Variants in SEMA5A observed in about 807,000 individuals in gnomAD.
SEMA5A encodes semaphorin-5A.
Under a neutral mutation model 135.5 loss-of-function variants are expected in SEMA5A, and 55 were observed. The ratio of observed to expected loss-of-function variants is 0.41; its 90% CI spans 0.33 to 0.51. The LOEUF is 0.51. Ranked by LOEUF, SEMA5A falls within the 20% of genes least tolerant of loss-of-function variation. SEMA5A has a pLI of 0.37. For missense variants in SEMA5A, 1,290 were observed against 1,419.9 expected (o/e 0.91, Z 1.47); for synonymous variants, 580 against 546.5 (o/e 1.06, Z -0.85).
At chr5:9,527,602 TG>T (rs1413962525) in intron 1 of SEMA5A, among the ~76,000 whole-genome samples, 6 of 152,236 alleles carry the variant, frequency 3.9e-5, no homozygotes, top group Non-Finnish European at 7.3e-5. Flanking sequence ...CACTTCAGCT[TG>T]TAACAAGAAT....
At chr5:9,199,534 G>A (rs1042316103) in intron 9 of SEMA5A, among the ~76,000 whole-genome samples, 3 of 152,214 alleles carry the variant, frequency 2.0e-5, no homozygotes, top group African/African-American at 7.2e-5. Flanking sequence ...ACATGACCTT[G>A]AGAATGAGAA....
chr5:9,291,567 A>G (rs1751079074), intron 5 of SEMA5A, among the ~76,000 whole-genome samples: 1 of 151,716 alleles, frequency 6.6e-6, no homozygotes. Context: ...TGGAGAAGAA[A>G]GGAGGATGTA....
chr5:9,532,296 C>A (rs779268667), intron 1 of SEMA5A, among the ~76,000 whole-genome samples: 2 of 151,714 alleles, frequency 1.3e-5, no homozygotes, highest in Non-Finnish European at 2.9e-5. Flanking sequence ...GACAGAGTCT[C>A]GCTCTATCGC....
At chr5:9,482,375 G>A (rs1040790555) in intron 1 of SEMA5A, among the ~76,000 whole-genome samples, 1 of 152,166 alleles carries the variant, frequency 6.6e-6, no homozygotes. Flanking sequence ...ATGGAACTCA[G>A]AGCAAATAAA....
intron 1 of SEMA5A, among the ~76,000 whole-genome samples, chr5:9,451,929 G>A (rs560393449): frequency 1.0e-3 from 157 of 152,274 alleles, no homozygotes; most frequent in African/African-American, 3.5e-3. Flanking sequence ...AGTTCTACCC[G>A]AGCCACCTGG....
At chr5:9,166,047 G>T (rs1743588702) in intron 11 of SEMA5A, among the ~76,000 whole-genome samples, 1 of 152,048 alleles carries the variant, frequency 6.6e-6, no homozygotes, top group African/African-American at 2.4e-5. Context: ...TCAACTAATG[G>T]CTTATTTTTT....
intron 2 of SEMA5A, among the ~76,000 whole-genome samples, chr5:9,436,664 C>T (rs185004404): frequency 1.8e-4 from 28 of 152,218 alleles, no homozygotes; most frequent in East Asian, 1.7e-3. Context: ...CACAATGAGA[C>T]GGTAATTTAG....
Position 9,245,991 on chromosome 5 carries a change from G to C in SEMA5A, c.271-8101C>G, listed in dbSNP as rs980626155. ...GATCTTTTGAAAGAAGAACATTAGA[G>C]AGAGAGAAGAAAAACAGTATCAAGG... On this transcript the variant is annotated intron_variant, in intron 5 of 22. Transcript: ENST00000382496. Among the ~76,000 whole-genome samples, 6 of 130,084 alleles carry C rather than the reference G, an allele frequency of 4.6e-5. No individual in the cohort carries two copies. The South Asian group carries it at 1.3e-3, about 29-fold the overall frequency. The allele number at this position is 130,084 out of a possible 152,430, so 85.3% of individuals were successfully genotyped here.
intron 3 of SEMA5A, among the ~76,000 whole-genome samples, chr5:9,364,470 A>G (rs1754831123): frequency 6.6e-6 from 1 of 152,208 alleles, no homozygotes; most frequent in African/African-American, 2.4e-5. Flanking sequence ...GGAACATCCT[A>G]ATAGGATTTT....
intron 5 of SEMA5A, among the ~76,000 whole-genome samples, chr5:9,277,166 C>T (rs1472865026): frequency 6.6e-6 from 1 of 152,158 alleles, no homozygotes; most frequent in Non-Finnish European, 1.5e-5. Flanking sequence ...TATGAACAGA[C>T]ACTTCTCAAA....
At chr5:9,433,270 T>C (rs1757918408) in intron 2 of SEMA5A, among the ~76,000 whole-genome samples, 1 of 152,282 alleles carries the variant, frequency 6.6e-6, no homozygotes, top group Non-Finnish European at 1.5e-5. Context: ...CAGAAGAAAG[T>C]AAAGAATTTT....
chr5:9,093,379 G>A (rs1279709138), intron 16 of SEMA5A, among the ~76,000 whole-genome samples: 1 of 152,104 alleles, frequency 6.6e-6, no homozygotes, highest in Non-Finnish European at 1.5e-5. Context: ...AAGAAAGTTG[G>A]TACAGGTCTA....
In SEMA5A at chr5:9,044,408, T is replaced by C; in HGVS notation, c.3070A>G (p.Lys1024Glu). ...LNTSITNHINKLDKYDSVEAI... is the reference protein window; with the variant it reads ...LNTSITNHINELDKYDSVEAI... ...TCCACCGAGTCGTACTTGTCCAGTT[T>C]GTTGATGTGGTTGGTTATGCTGGTA... The change falls in exon 22 of 23, where the codon AAA (lysine) becomes GAA (glutamate). Residue 1024 changes from lysine (K) to glutamate (E), a missense_variant. By Grantham distance (56) the Lys-to-Glu change is moderately conservative. This residue lies in a region of SEMA5A where 1,029 missense variants were observed against 1,086.6 expected (regional missense o/e 0.95). Coordinates refer to ENST00000382496, the MANE Select transcript of SEMA5A (RefSeq NM_003966.3). 1 of 1,613,568 alleles carries C rather than the reference T, an allele frequency of 6.2e-7. No homozygotes were observed. The highest frequency in any genetic ancestry group is 8.5e-7 in the Non-Finnish European group (1 of 1,179,906).
chr5:9,106,210 A>G (rs969142212), intron 16 of SEMA5A, among the ~76,000 whole-genome samples: 1 of 152,232 alleles, frequency 6.6e-6, no homozygotes, highest in African/African-American at 2.4e-5. Flanking sequence ...AAAAAGTGAC[A>G]ATAGTCTCTT....
intron 2 of SEMA5A, among the ~76,000 whole-genome samples, chr5:9,385,202 T>G (rs1195315175): frequency 6.6e-6 from 1 of 152,152 alleles, no homozygotes; most frequent in Non-Finnish European, 1.5e-5. Context: ...TAAGTACAAC[T>G]CTGTATAGAA....
intron 16 of SEMA5A, among the ~76,000 whole-genome samples, chr5:9,081,549 A>G (rs978521118): frequency 3.3e-5 from 5 of 152,156 alleles, no homozygotes; most frequent in South Asian, 2.1e-4. Flanking sequence ...TATTTCTCCA[A>G]TGCTTTCTCA....
At position 9,294,587 on chromosome 5, in the gene SEMA5A, C is replaced by T. The variant is rs867780040; in HGVS notation, c.270+23785G>A. Among the ~76,000 whole-genome samples, 7 of 152,160 alleles carry T rather than the reference C, an allele frequency of 4.6e-5. 1 individual carries two copies. Among genetic ancestry groups the T allele is most frequent in the African/African-American group, 9.7e-5 (4 of 41,434 alleles). ...GTCCTTATACCTTGACGAAAACTCT[C>T]CCTAGATTTACTGAGCACTCTACTT... On this transcript the variant is annotated intron_variant, in intron 5 of 22. Coordinates refer to ENST00000382496, the MANE Select transcript of SEMA5A (RefSeq NM_003966.3).
At chr5:9,228,168 C>T (rs1747422540) in intron 6 of SEMA5A, among the ~76,000 whole-genome samples, 1 of 152,118 alleles carries the variant, frequency 6.6e-6, no homozygotes, top group African/African-American at 2.4e-5. Context: ...TGTCCATGCA[C>T]TGTAATGAGG....
At chr5:9,230,167 T>C (rs903490761) in intron 6 of SEMA5A, among the ~76,000 whole-genome samples, 6 of 143,168 alleles carry the variant, frequency 4.2e-5, no homozygotes, top group African/African-American at 1.6e-4. Flanking sequence ...TCTTTTTTTT[T>C]TTTTTTTTTT....
Sources: gnomAD v4.1 joint callset for allele counts (sites outside exome capture counted in the v4.1 genomes callset) on GRCh38, gnomAD v4.1.1 for gene constraint, gnomAD v4.1.1 regional missense constraint, MANE v1.5 for transcripts, NCBI Gene and HGNC (gene_info 2026-07-23, HGNC 2026-07-21) for gene names.